NUP98: variants seen among roughly 807,000 people sequenced by gnomAD.
The protein encoded by NUP98 is nuclear pore complex protein Nup98-Nup96.
Under a neutral mutation model 191.9 loss-of-function variants are expected in NUP98, and 26 were observed. That is an observed-to-expected ratio of 0.14 (90% CI 0.10 to 0.19). The LOEUF is 0.19. Ranked by LOEUF, NUP98 falls within the 10% of genes least tolerant of loss-of-function variation. The pLI, the probability that NUP98 is intolerant of heterozygous loss-of-function variation, is 1.00. For synonymous variants in NUP98, 808 were observed against 778.4 expected (o/e 1.04, Z -0.63); for missense variants, 1,941 against 2,178.8 (o/e 0.89, Z 2.17).
At chr11:3,739,548 AT>A (rs1430004664) in intron 12 of NUP98, among the ~76,000 whole-genome samples, 1 of 152,140 alleles carries the variant, frequency 6.6e-6, no homozygotes, top group Non-Finnish European at 1.5e-5. Flanking sequence ...CACCAGGCCT[AT>A]TTTTAATGAT....
intron 25 of NUP98, among the ~76,000 whole-genome samples, chr11:3,695,817 T>C (rs2078485090): frequency 6.6e-6 from 1 of 152,178 alleles, no homozygotes; most frequent in African/African-American, 2.4e-5. Flanking sequence ...CTAAATTACC[T>C]ATAGACTGAA....
intron 1 of NUP98, among the ~76,000 whole-genome samples, chr11:3,794,932 C>CT (rs1263302463): frequency 6.6e-6 from 1 of 152,182 alleles, no homozygotes; most frequent in Non-Finnish European, 1.5e-5. Context: ...CCTTAAATCT[C>CT]TGAGTTTCTT....
rs535701522 is a variant in NUP98 at position 3,710,383 on chromosome 11, T to C, written c.2742+2181A>G. Among the ~76,000 whole-genome samples the C allele has an allele frequency of 1.2e-4, 19 of 152,346 alleles. No individual in the cohort carries two copies. In the South Asian group the frequency reaches 2.9e-3, roughly 23 times the overall value. Reference sequence around the variant, plus strand: ...ATTTAGTTACCTTTATGTTTTCTGGTTGCTTAGATTTACTTGCTTTTTTTA... The same window carrying C: ...ATTTAGTTACCTTTATGTTTTCTGGCTGCTTAGATTTACTTGCTTTTTTTA... On this transcript the variant is annotated intron_variant, in intron 20 of 32. Transcript: ENST00000324932.
chr11:3,716,546 AAAAAATAC>A (rs1468763562), intron 18 of NUP98, among the ~76,000 whole-genome samples: 1 of 151,800 alleles, frequency 6.6e-6, no homozygotes, highest in Non-Finnish European at 1.5e-5. Context: ...TCATCTCTAC[AAAAAATAC>A]AAAAATTAGC....
intron 16 of NUP98, among the ~76,000 whole-genome samples, chr11:3,722,543 TG>T (rs1449818011): frequency 6.6e-6 from 1 of 151,974 alleles, no homozygotes; most frequent in African/African-American, 2.4e-5. Flanking sequence ...ACACCCAAAA[TG>T]GGCTGGGCAT....
At chr11:3,796,760 A>T (rs1309970281) in intron 1 of NUP98, among the ~76,000 whole-genome samples, 1 of 152,148 alleles carries the variant, frequency 6.6e-6, no homozygotes, top group Admixed American at 6.5e-5. Flanking sequence ...CCCATCTACA[A>T]AACTGATGTA....
At chr11:3,770,675 C>T (rs1337772548) in intron 7 of NUP98, among the ~76,000 whole-genome samples, 2 of 151,954 alleles carry the variant, frequency 1.3e-5, no homozygotes, top group African/African-American at 2.4e-5. Flanking sequence ...AGTATATAAC[C>T]TCTGGTTATT....
At chr11:3,760,139 AACAAC>A (rs1434379532) in intron 10 of NUP98, 1 of 186,976 alleles carries the variant, frequency 5.3e-6, no homozygotes, top group Non-Finnish European at 1.1e-5. Flanking sequence ...ACAAAAACAA[AACAAC>A]ACAACAAACC....
At chr11:3,712,831 G>T in intron 19 of NUP98, 103 bp from the exon 20 acceptor site, 1 of 1,223,512 alleles carries the variant, frequency 8.2e-7, no homozygotes, top group Admixed American at 2.4e-5. Context: ...GAAAGAAAAG[G>T]GGAGAAATAT....
intron 1 of NUP98, among the ~76,000 whole-genome samples, chr11:3,792,026 A>C (rs974778339): frequency 1.3e-5 from 2 of 151,014 alleles, no homozygotes; most frequent in Admixed American, 6.6e-5. Flanking sequence ...AAAAATACAA[A>C]AAATTAGCCG....
intron 12 of NUP98, among the ~76,000 whole-genome samples, chr11:3,738,096 A>G (rs1258061680): frequency 6.7e-6 from 1 of 148,278 alleles, no homozygotes; most frequent in Non-Finnish European, 1.5e-5. Context: ...TCAAAAAAAA[A>G]AAAAAAAAAA....
At chr11:3,792,707 T>TA (rs201509670) in intron 1 of NUP98, among the ~76,000 whole-genome samples, 8,123 of 152,276 alleles carry the variant, frequency 0.053, 259 homozygotes, top group Middle Eastern at 0.1. Flanking sequence ...CATCATGTTA[T>TA]AAAATCACAG....
At chr11:3,694,395 T>C (rs1350407098) in intron 26 of NUP98, among the ~76,000 whole-genome samples, 1 of 148,828 alleles carries the variant, frequency 6.7e-6, no homozygotes, top group Non-Finnish European at 1.5e-5. Context: ...ACAACAAAAA[T>C]AACGCTTCAT....
intron 18 of NUP98, among the ~76,000 whole-genome samples, chr11:3,718,045 A>G (rs1239055928): frequency 6.6e-6 from 1 of 152,066 alleles, no homozygotes; most frequent in Non-Finnish European, 1.5e-5. Context: ...CTTTCCTTGC[A>G]GTGTCTTTGG....
chr11:3,730,616 G>A (rs1417141494), intron 14 of NUP98, among the ~76,000 whole-genome samples: 2 of 152,060 alleles, frequency 1.3e-5, no homozygotes, highest in East Asian at 1.9e-4. Context: ...CACCCACCTC[G>A]GCCAGCCAAA....
At chr11:3,751,916 G>A (rs1383443380) in intron 11 of NUP98, among the ~76,000 whole-genome samples, 1 of 151,882 alleles carries the variant, frequency 6.6e-6, no homozygotes, top group East Asian at 1.9e-4. Context: ...GGTGGCTCAT[G>A]TCTGTAATCC....
chr11:3,794,385 A>G (rs561814688), intron 1 of NUP98, among the ~76,000 whole-genome samples: 1 of 152,040 alleles, frequency 6.6e-6, no homozygotes, highest in Non-Finnish European at 1.5e-5. Context: ...CAGTGGCACA[A>G]TCTTGGCTCA....
rs146298370 is a variant in NUP98, at chr11:3,787,658, T to C, written c.-28-5513A>G. 9.2e-5 allele frequency among the ~76,000 whole-genome samples: 14 copies of C among 151,644 alleles called. No homozygotes were observed. In the East Asian group the frequency reaches 2.6e-3, roughly 28 times the overall value. Reference sequence around the variant, plus strand: ...ATTGTTGCTCAAGCCTCACCTGCTTTCACAAGACTGCCGCACACCCTTAAA... The same window carrying C: ...ATTGTTGCTCAAGCCTCACCTGCTTCCACAAGACTGCCGCACACCCTTAAA... On this transcript the variant is annotated intron_variant, in intron 1 of 32. Transcript: ENST00000324932.
At chr11:3,788,896 G>A (rs1019034785) in intron 1 of NUP98, among the ~76,000 whole-genome samples, 2 of 151,462 alleles carry the variant, frequency 1.3e-5, no homozygotes, top group African/African-American at 4.9e-5. Context: ...GCAGTGAGCC[G>A]AGATCGTGCC....
Sources: allele counts gnomAD v4.1 joint callset (sites outside exome capture counted in the v4.1 genomes callset), GRCh38; gene constraint gnomAD v4.1.1; transcripts MANE v1.5; gene names NCBI Gene and HGNC (gene_info 2026-07-23, HGNC 2026-07-21).